The following CAMTA1 variants were observed in gnomAD, a reference collection of about 807,000 sequenced individuals.
CAMTA1 encodes the protein calmodulin binding transcription activator 1.
A neutral mutation model predicts 170.9 loss-of-function variants in CAMTA1; 27 were observed. The observed-to-expected ratio is 0.16, with a 90% CI of 0.12 to 0.22. CAMTA1 has a LOEUF of 0.22. Among genes scored for constraint, CAMTA1 ranks in the 10% least tolerant of loss-of-function variants. The pLI is 1.00. For missense variants in CAMTA1, 1,619 were observed against 2,217.2 expected (o/e 0.73, Z 5.42); for synonymous variants, 833 against 891.5 (o/e 0.93, Z 1.17).
chr1:7,180,410 A>G (rs1313336055), intron 4 of CAMTA1, among the ~76,000 whole-genome samples: 1 of 152,040 alleles, frequency 6.6e-6, no homozygotes, highest in Non-Finnish European at 1.5e-5. Context: ...AAAATATGAA[A>G]ACAGTATCAA....
intron 4 of CAMTA1, among the ~76,000 whole-genome samples, chr1:7,239,691 C>T (rs1461633313): frequency 8.1e-6 from 1 of 123,250 alleles, no homozygotes; most frequent in Non-Finnish European, 1.6e-5. Flanking sequence ...CAGGGGATGT[C>T]TTAGTCCATT....
chr1:6,802,272 C>A (rs1395996750), intron 1 of CAMTA1, among the ~76,000 whole-genome samples: 2 of 152,166 alleles, frequency 1.3e-5, no homozygotes, highest in Non-Finnish European at 2.9e-5. Context: ...CATGTCCTGA[C>A]TCTAGTTCCA....
chr1:6,924,353 G>T (rs1484742733), intron 3 of CAMTA1, among the ~76,000 whole-genome samples: 1 of 152,050 alleles, frequency 6.6e-6, no homozygotes, highest in Non-Finnish European at 1.5e-5. Flanking sequence ...CCAGCTGGGA[G>T]GGGGTCAGGC....
At chr1:7,510,021 A>G (rs2094181012) in intron 6 of CAMTA1, among the ~76,000 whole-genome samples, 2 of 109,280 alleles carry the variant, frequency 1.8e-5, no homozygotes, top group Admixed American at 1.8e-4. Flanking sequence ...AACAAAAAAA[A>G]AAAACACTGT....
intron 4 of CAMTA1, among the ~76,000 whole-genome samples, chr1:7,150,578 A>G (rs6693858): frequency 0.025 from 3,871 of 152,092 alleles, 166 homozygotes; most frequent in African/African-American, 0.088. Context: ...CTAGATGCCA[A>G]TAGCACCCCC....
chr1:7,400,709 G>A (rs1252300519), intron 5 of CAMTA1, among the ~76,000 whole-genome samples: 1 of 152,140 alleles, frequency 6.6e-6, no homozygotes, highest in Non-Finnish European at 1.5e-5. Flanking sequence ...GTTCCAGGTA[G>A]GCACAGTAGT....
intron 6 of CAMTA1, among the ~76,000 whole-genome samples, chr1:7,577,215 CCT>C (rs2095206295): frequency 6.6e-6 from 1 of 152,194 alleles, no homozygotes; most frequent in East Asian, 1.9e-4. Flanking sequence ...ATCCCTGTCA[CCT>C]CTGTTTGGCT....
intron 5 of CAMTA1, among the ~76,000 whole-genome samples, chr1:7,321,640 C>T (rs1366589469): frequency 1.3e-5 from 2 of 152,170 alleles, no homozygotes; most frequent in Non-Finnish European, 2.9e-5. Context: ...GACATTTCAG[C>T]ATCTCTTTTT....
intron 5 of CAMTA1, among the ~76,000 whole-genome samples, chr1:7,418,680 C>T (rs1211368489): frequency 6.6e-6 from 1 of 152,144 alleles, no homozygotes; most frequent in Non-Finnish European, 1.5e-5. Flanking sequence ...ATCAGGAGCC[C>T]AAAGCTGAGC....
At chr1:7,045,336 C>A (rs1203892628) in intron 3 of CAMTA1, among the ~76,000 whole-genome samples, 1 of 152,184 alleles carries the variant, frequency 6.6e-6, no homozygotes, top group Non-Finnish European at 1.5e-5. Context: ...GCTAGCCACA[C>A]CTGCCCGTCT....
intron 3 of CAMTA1, among the ~76,000 whole-genome samples, chr1:6,840,983 TTGCCATCAGGG>T (rs1196586514): frequency 6.6e-6 from 1 of 152,228 alleles, no homozygotes; most frequent in Non-Finnish European, 1.5e-5. Context: ...TCTCACTGGG[TTGCCATCAGGG>T]TGCCAGCAGG....
At position 7,685,025 on chromosome 1, in the gene CAMTA1, C is replaced by T. The variant is rs866951389; in HGVS notation, c.2914+7292C>T. Among the ~76,000 whole-genome samples, 1 of 152,114 alleles carries T rather than the reference C, an allele frequency of 6.6e-6. No individual in the cohort carries two copies. The highest frequency in any genetic ancestry group is 1.5e-5 in the Non-Finnish European group (1 of 68,032). ...TGTCGGGGAGTTCACAGGCACCGTCCCGCGGTCACAGGTGGCATGTTTTGA... is the reference window on the plus strand; with the variant it reads ...TGTCGGGGAGTTCACAGGCACCGTCTCGCGGTCACAGGTGGCATGTTTTGA... On this transcript the variant is annotated intron_variant, in intron 11 of 22. Transcript: ENST00000303635. This position sits in a 1 kb window ranked among gnomAD's most constrained non-coding sequence, Gnocchi z 5.7.
intron 4 of CAMTA1, among the ~76,000 whole-genome samples, chr1:7,158,919 A>T (rs1558184172): frequency 6.7e-6 from 1 of 150,272 alleles, no homozygotes; most frequent in Non-Finnish European, 1.5e-5. Flanking sequence ...GCTCAAAGAA[A>T]TACCCACAGT....
intron 22 of CAMTA1, among the ~76,000 whole-genome samples, chr1:7,760,283 G>A (rs947248970): frequency 1.3e-5 from 2 of 152,200 alleles, no homozygotes; most frequent in Non-Finnish European, 2.9e-5. Context: ...GCTCTGCTGT[G>A]TGCTTCTGAG....
intron 5 of CAMTA1, among the ~76,000 whole-genome samples, chr1:7,461,138 G>A (rs903600036): frequency 6.6e-6 from 1 of 152,172 alleles, no homozygotes; most frequent in Admixed American, 6.5e-5. Flanking sequence ...AGAGGGGAGG[G>A]GAGCTCAGGA....
chr1:7,513,658 C>T (rs548866097), intron 6 of CAMTA1, among the ~76,000 whole-genome samples: 2 of 152,306 alleles, frequency 1.3e-5, no homozygotes, highest in African/African-American at 2.4e-5. Context: ...CGTGGTGGCT[C>T]ACACCTGTAA....
intron 1 of CAMTA1, among the ~76,000 whole-genome samples, chr1:6,785,831 CG>C (rs1271181122): frequency 1.6e-4 from 1 of 6,336 alleles, no homozygotes; most frequent in Non-Finnish European, 4.2e-4. Flanking sequence ...CCGGAGGGGG[CG>C]GGGGGCTCGC....
chr1:7,629,389 G>A (rs1576479867), intron 6 of CAMTA1, among the ~76,000 whole-genome samples: 1 of 152,192 alleles, frequency 6.6e-6, no homozygotes, highest in East Asian at 1.9e-4. Flanking sequence ...TTATGGATCA[G>A]CCATCCGGGA....
chr1:7,484,276 G>A (rs1173074101), intron 6 of CAMTA1, among the ~76,000 whole-genome samples: 2 of 152,164 alleles, frequency 1.3e-5, no homozygotes, highest in African/African-American at 4.8e-5. Context: ...CCAGTCCCAG[G>A]AGACTGAGCC....
Sources: gnomAD v4.1 joint callset for allele counts (sites outside exome capture counted in the v4.1 genomes callset) on GRCh38, gnomAD v4.1.1 for gene constraint, Gnocchi (gnomAD v3.1) non-coding constraint, MANE v1.5 for transcripts, NCBI Gene and HGNC (gene_info 2026-07-23, HGNC 2026-07-21) for gene names.